Variants in PDE4D observed in about 807,000 individuals in gnomAD.
The protein encoded by PDE4D is phosphodiesterase 4D.
Under a neutral mutation model 87.4 loss-of-function variants are expected in PDE4D, and 24 were observed. The observed-to-expected ratio is 0.27, with a 90% confidence interval of 0.20 to 0.39. PDE4D has a LOEUF of 0.39. Ranked by LOEUF, PDE4D falls within the 10% of genes least tolerant of loss-of-function variation. The pLI is 1.00. For missense variants in PDE4D, 714 were observed against 1,041.0 expected (o/e 0.69, Z 4.32); for synonymous variants, 384 against 383.2 (o/e 1.00, Z -0.02).
chr5:60,184,599 C>T (rs1255299134), intron 2 of PDE4D, among the ~76,000 whole-genome samples: 4 of 152,238 alleles, frequency 2.6e-5, no homozygotes, highest in Admixed American at 2.6e-4. Context: ...CTCAGCATAT[C>T]CTCATTTTTT....
intron 2 of PDE4D, among the ~76,000 whole-genome samples, chr5:60,071,361 C>A (rs547725134): frequency 1.3e-5 from 2 of 151,968 alleles, no homozygotes; most frequent in African/African-American, 2.4e-5. Flanking sequence ...ACACAGCCAT[C>A]TAAAAGAATA....
At chr5:59,113,720 G>A (rs1465385470) in intron 5 of PDE4D, among the ~76,000 whole-genome samples, 1 of 152,178 alleles carries the variant, frequency 6.6e-6, no homozygotes, top group African/African-American at 2.4e-5. Context: ...GCCAAAGGTG[G>A]ACTCCTGGCT....
At chr5:59,043,660 C>T (rs892803087) in intron 5 of PDE4D, among the ~76,000 whole-genome samples, 1 of 152,136 alleles carries the variant, frequency 6.6e-6, no homozygotes, top group African/African-American at 2.4e-5. Flanking sequence ...CACCCATTAA[C>T]TCCTCATTTA....
At chr5:60,068,094 G>T (rs866128308) in intron 2 of PDE4D, among the ~76,000 whole-genome samples, 1 of 152,146 alleles carries the variant, frequency 6.6e-6, no homozygotes, top group Non-Finnish European at 1.5e-5. Context: ...CCCAAAGTGG[G>T]ATTGCTGGAT....
At chr5:60,487,519 C>A (rs1749248529) in intron 1 of PDE4D, among the ~76,000 whole-genome samples, 1 of 152,158 alleles carries the variant, frequency 6.6e-6, no homozygotes, top group African/African-American at 2.4e-5. Flanking sequence ...TACCCCTGTC[C>A]CCAAAGCATT....
intron 1 of PDE4D, among the ~76,000 whole-genome samples, chr5:59,886,438 A>G (rs891410881): frequency 2.0e-5 from 3 of 151,968 alleles, no homozygotes; most frequent in African/African-American, 7.3e-5. Flanking sequence ...AATCGCTTGA[A>G]CCCGGTAGGC....
intron 1 of PDE4D, among the ~76,000 whole-genome samples, chr5:60,219,034 G>C (rs894361150): frequency 2.0e-5 from 3 of 152,022 alleles, no homozygotes; most frequent in African/African-American, 7.2e-5. Context: ...ACATGACACA[G>C]CATTAATAAA....
At chr5:59,604,780 G>T (rs1305718271) in intron 1 of PDE4D, among the ~76,000 whole-genome samples, 1 of 151,948 alleles carries the variant, frequency 6.6e-6, no homozygotes, top group Non-Finnish European at 1.5e-5. Flanking sequence ...TTGTGAGGGG[G>T]TGGGAAACAG....
intron 1 of PDE4D, among the ~76,000 whole-genome samples, chr5:60,420,624 G>A (rs932824914): frequency 1.3e-5 from 2 of 152,218 alleles, no homozygotes; most frequent in African/African-American, 2.4e-5. Flanking sequence ...GCACCTCCCA[G>A]CGTCATCGAT....
At chr5:60,088,219 T>G (rs1487079716) in intron 2 of PDE4D, among the ~76,000 whole-genome samples, 3 of 151,460 alleles carry the variant, frequency 2.0e-5, no homozygotes, top group Non-Finnish European at 4.4e-5. Context: ...CTGAGGAAAT[T>G]TACAACACGA....
intron 1 of PDE4D, among the ~76,000 whole-genome samples, chr5:59,614,660 T>C (rs1040506882): frequency 1.2e-4 from 19 of 152,232 alleles, no homozygotes; most frequent in African/African-American, 4.1e-4. Context: ...TTAAAAACTA[T>C]AGAATATCGC....
intron 5 of PDE4D, among the ~76,000 whole-genome samples, chr5:59,058,111 C>T (rs889586759): frequency 1.1e-4 from 16 of 152,158 alleles, no homozygotes; most frequent in African/African-American, 3.1e-4. Flanking sequence ...CTGTCATATA[C>T]TAGGTATCCA....
At chr5:59,147,357 G>GCCTTTTC (rs1778823849) in intron 5 of PDE4D, among the ~76,000 whole-genome samples, 1 of 152,058 alleles carries the variant, frequency 6.6e-6, no homozygotes, top group South Asian at 2.1e-4. Flanking sequence ...TTGAAAAGTA[G>GCCTTTTC]AAAGGAAATA....
At chr5:60,348,769 T>C (rs991794758) in intron 1 of PDE4D, among the ~76,000 whole-genome samples, 10 of 152,004 alleles carry the variant, frequency 6.6e-5, no homozygotes, top group Non-Finnish European at 1.5e-4. Context: ...AGACAAAATA[T>C]ATAAAAACAG....
intron 1 of PDE4D, among the ~76,000 whole-genome samples, chr5:60,323,568 C>G (rs1339852040): frequency 4.6e-5 from 7 of 152,146 alleles, no homozygotes; most frequent in Admixed American, 4.6e-4. Context: ...CCCAGCATAC[C>G]TTGGCTTCTC....
intron 5 of PDE4D, among the ~76,000 whole-genome samples, chr5:59,168,175 C>T (rs1055704222): frequency 6.6e-6 from 1 of 151,834 alleles, no homozygotes; most frequent in Non-Finnish European, 1.5e-5. Flanking sequence ...GCATTCAGGA[C>T]ATGGTGAGCT....
chr5:59,807,449 T>A (rs1337411239), intron 1 of PDE4D, among the ~76,000 whole-genome samples: 1 of 151,936 alleles, frequency 6.6e-6, no homozygotes. Context: ...ACATATGTAG[T>A]ATGAGGGTAG....
chr5:60,250,545 C>T (rs142308345), intron 1 of PDE4D, among the ~76,000 whole-genome samples: 15 of 151,948 alleles, frequency 9.9e-5, no homozygotes, highest in Non-Finnish European at 1.5e-4. Flanking sequence ...TAGATTATAA[C>T]GAAGCTGAAA....
chr5:59,173,049 C>A (rs999892147), intron 5 of PDE4D, among the ~76,000 whole-genome samples: 2 of 152,130 alleles, frequency 1.3e-5, no homozygotes, highest in African/African-American at 4.8e-5. Context: ...CAAAATTAGA[C>A]AACTACTAAG....
Sources: allele counts gnomAD v4.1 joint callset (sites outside exome capture counted in the v4.1 genomes callset), GRCh38; gene constraint gnomAD v4.1.1; transcripts MANE v1.5; gene names NCBI Gene and HGNC (gene_info 2026-07-23, HGNC 2026-07-21).